KLHL2: variants seen among roughly 807,000 people sequenced by gnomAD.
The protein encoded by KLHL2 is kelch-like protein 2.
A neutral mutation model predicts 75.8 loss-of-function variants in KLHL2; 15 were observed. That is an observed-to-expected ratio of 0.20 (90% CI 0.13 to 0.30). KLHL2 has a LOEUF of 0.30. Ranked by LOEUF, KLHL2 falls within the 10% of genes least tolerant of loss-of-function variation. The probability of loss-of-function intolerance (pLI) is 1.00; values close to 1 mark genes in which losing one functional copy is unlikely to be tolerated. For missense variants in KLHL2, 381 were observed against 741.0 expected (o/e 0.51, Z 5.64); for synonymous variants, 214 against 251.9 (o/e 0.85, Z 1.42).
chr4:165,214,819 A>G (rs1737426106), intron 1 of KLHL2, among the ~76,000 whole-genome samples: 1 of 152,032 alleles, frequency 6.6e-6, no homozygotes, highest in African/African-American at 2.4e-5. Flanking sequence ...ATTTTTAACT[A>G]TATATGTTTA....
At chr4:165,301,527 T>A (rs866654133) in intron 8 of KLHL2, among the ~76,000 whole-genome samples, 1 of 152,236 alleles carries the variant, frequency 6.6e-6, no homozygotes, top group Non-Finnish European at 1.5e-5. Context: ...TATATGTGTT[T>A]ACATTTTTCA....
intron 4 of KLHL2, among the ~76,000 whole-genome samples, chr4:165,255,470 C>T (rs1182366799): frequency 6.6e-6 from 1 of 151,652 alleles, no homozygotes; most frequent in African/African-American, 2.4e-5. Flanking sequence ...AGGAGGCAGG[C>T]GAGGTTGCAT....
chr4:165,259,750 C>T (rs1295556269), intron 4 of KLHL2, among the ~76,000 whole-genome samples: 1 of 152,200 alleles, frequency 6.6e-6, no homozygotes, highest in Non-Finnish European at 1.5e-5. Flanking sequence ...TATACAAATA[C>T]TTCCATTCTG....
intron 11 of KLHL2, 45 bp from the exon 12 acceptor site, chr4:165,313,193 T>C: frequency 6.3e-7 from 1 of 1,587,782 alleles, no homozygotes; most frequent in Non-Finnish European, 8.6e-7. Context: ...TTTTTGTTTG[T>C]TTGTTTTTTA....
At chr4:165,267,979 C>T (rs572868481) in intron 5 of KLHL2, among the ~76,000 whole-genome samples, 13 of 152,272 alleles carry the variant, frequency 8.5e-5, no homozygotes, top group African/African-American at 2.9e-4. Flanking sequence ...ATGATTGCCT[C>T]AATTTCAGAA....
intron 5 of KLHL2, chr4:165,278,027 A>G: frequency 2.0e-6 from 3 of 1,486,278 alleles, no homozygotes; most frequent in South Asian, 1.1e-5. Context: ...TAACATTGCC[A>G]TGCTACTCAC....
intron 7 of KLHL2, among the ~76,000 whole-genome samples, chr4:165,298,960 A>G (rs1745138576): frequency 1.7e-5 from 1 of 59,550 alleles, no homozygotes; most frequent in Non-Finnish European, 3.9e-5. Context: ...CCCCCCAGAA[A>G]AAAGAAAACG....
chr4:165,287,918 C>T (rs913385315), intron 5 of KLHL2, among the ~76,000 whole-genome samples: 7 of 152,056 alleles, frequency 4.6e-5, no homozygotes, highest in Admixed American at 1.3e-4. Context: ...GATATTAACT[C>T]TTTGTCAGAT....
chr4:165,264,292 G>C (rs762721384), intron 5 of KLHL2, among the ~76,000 whole-genome samples: 5 of 151,424 alleles, frequency 3.3e-5, no homozygotes, highest in Non-Finnish European at 7.4e-5. Flanking sequence ...TAGTCACGAG[G>C]TCTGGGATTT....
At chr4:165,255,579 C>T (rs1387094757) in intron 4 of KLHL2, among the ~76,000 whole-genome samples, 1 of 152,062 alleles carries the variant, frequency 6.6e-6, no homozygotes, top group African/African-American at 2.4e-5. Flanking sequence ...AATGTTTGTC[C>T]TTGGCACTCT....
chr4:165,306,806 T>C (rs1393131252), intron 9 of KLHL2, among the ~76,000 whole-genome samples: 1 of 152,248 alleles, frequency 6.6e-6, no homozygotes, highest in African/African-American at 2.4e-5. Context: ...CTGTGATATG[T>C]AGTGTGAATA....
At chr4:165,265,012 G>A (rs1742134795) in intron 5 of KLHL2, among the ~76,000 whole-genome samples, 4 of 151,424 alleles carry the variant, frequency 2.6e-5, no homozygotes, top group Non-Finnish European at 4.4e-5. Context: ...AAGCGTTCCC[G>A]TTTCACCACA....
At chr4:165,215,822 A>G (rs1737497801) in intron 1 of KLHL2, among the ~76,000 whole-genome samples, 1 of 152,098 alleles carries the variant, frequency 6.6e-6, no homozygotes, top group Non-Finnish European at 1.5e-5. Flanking sequence ...GACATATTAC[A>G]TGACTTTTGT....
chr4:165,224,321 C>T (rs1186747363), intron 2 of KLHL2, among the ~76,000 whole-genome samples: 3 of 151,904 alleles, frequency 2.0e-5, no homozygotes, highest in Non-Finnish European at 2.9e-5. Flanking sequence ...GGGGCACAAC[C>T]TATTAGCTTT....
intron 14 of KLHL2, among the ~76,000 whole-genome samples, chr4:165,320,939 T>C (rs528119551): frequency 9.8e-5 from 15 of 152,294 alleles, no homozygotes; most frequent in African/African-American, 3.6e-4. Context: ...GAGTGCTTCT[T>C]AACCACTGCC....
chr4:165,273,563 A>G (rs1742852699), intron 5 of KLHL2, among the ~76,000 whole-genome samples: 1 of 152,108 alleles, frequency 6.6e-6, no homozygotes, highest in African/African-American at 2.4e-5. Context: ...TGTTCTTGTG[A>G]TAGTAAGTCT....
intron 5 of KLHL2, among the ~76,000 whole-genome samples, chr4:165,275,098 A>ATTTATTTTATTTTAT (rs201930063): frequency 1.4e-3 from 212 of 146,736 alleles, no homozygotes; most frequent in Admixed American, 2.2e-3. Flanking sequence ...CTCCTGAAAG[A>ATTTATTTTATTTTAT]TTTATTTTAT....
chr4:165,278,502 C>A (rs145246529), intron 5 of KLHL2: 23,561 of 1,601,376 alleles, frequency 0.015, 214 homozygotes, highest in Non-Finnish European at 0.018. Flanking sequence ...TGAGTGAGTC[C>A]ACAGATTATC....
chr4:165,221,384 T>A (rs1430990435), intron 2 of KLHL2, among the ~76,000 whole-genome samples: 1 of 152,168 alleles, frequency 6.6e-6, no homozygotes, highest in East Asian at 1.9e-4. Flanking sequence ...GATAAGGGGA[T>A]AAAGTCAGGA....
Sources: allele counts gnomAD v4.1 joint callset (sites outside exome capture counted in the v4.1 genomes callset), GRCh38; gene constraint gnomAD v4.1.1; transcripts MANE v1.5; gene names NCBI Gene and HGNC (gene_info 2026-07-23, HGNC 2026-07-21).